Variants in ST14 observed in about 807,000 individuals in gnomAD.
The protein encoded by ST14 is suppressor of tumorigenicity 14 protein.
A neutral mutation model predicts 96.5 loss-of-function variants in ST14; 40 were observed. The observed-to-expected ratio is 0.41, with a 90% CI of 0.32 to 0.54. The LOEUF is 0.54. ST14 is among the 20% of genes least tolerant of loss of function. The pLI is 0.17. For synonymous variants in ST14, 506 were observed against 492.1 expected (o/e 1.03, Z -0.37); for missense variants, 1,066 against 1,188.9 (o/e 0.90, Z 1.52).
At chr11:130,200,271 T>A in intron 16 of ST14, 134 bp downstream of exon 16, 1 of 1,009,120 alleles carries the variant, frequency 9.9e-7, no homozygotes, top group Non-Finnish European at 1.5e-6. Context: ...TGAGTTGCTC[T>A]AAAGAAATAC....
At chr11:130,183,361 A>G (rs1309256790) in intron 1 of ST14, among the ~76,000 whole-genome samples, 1 of 152,246 alleles carries the variant, frequency 6.6e-6, no homozygotes, top group Non-Finnish European at 1.5e-5. Context: ...AGAGGCCACC[A>G]GATGTCTAAA....
At chr11:130,205,781 C>T (rs1305454819) in intron 16 of ST14, among the ~76,000 whole-genome samples, 8 of 146,764 alleles carry the variant, frequency 5.5e-5, no homozygotes, top group African/African-American at 2.0e-4. Flanking sequence ...TCACTGCAAC[C>T]TCCACCTCCC....
rs535027902 is a variant in ST14, at chr11:130,174,957, A to C, written c.82-13157A>C. Among the ~76,000 whole-genome samples the C allele has an allele frequency of 3.3e-5, 5 of 152,306 alleles. No homozygotes were observed. The South Asian group carries it at 1.0e-3, about 32-fold the overall frequency. On this transcript the variant is annotated intron_variant, in intron 1 of 18. Coordinates refer to ENST00000278742, the MANE Select transcript of ST14 (RefSeq NM_021978.4). ...TGGTATGTTTTTCAGGTTTTGCCAT[A>C]AATGTTACCTTATGGGTACCTGATA...
At position 130,189,720 on chromosome 11, in the gene ST14, G is replaced by T. The variant is rs905841868; in HGVS notation, c.441-19G>T. 2 of 1,608,730 alleles carry T rather than the reference G, an allele frequency of 1.2e-6. No individual in the cohort carries two copies. Among genetic ancestry groups the T allele is most frequent in the East Asian group, 2.2e-5 (1 of 44,870 alleles). The stretch of plus-strand genomic sequence containing the variant: ...AATGGGGCCCAGAGCTCCGCCTCAG[G>T]CTCCCGCTCTCTCCCCAGCGAGGGC... On this transcript the variant is annotated intron_variant, in intron 4 of 18. Coordinates refer to ENST00000278742, the MANE Select transcript of ST14 (RefSeq NM_021978.4).
At chr11:130,161,820 C>T (rs920816146) in intron 1 of ST14, among the ~76,000 whole-genome samples, 14 of 152,330 alleles carry the variant, frequency 9.2e-5, no homozygotes, top group African/African-American at 3.1e-4. Context: ...GGAAGGCTCT[C>T]AGAGACCAGT....
In ST14 at chr11:130,209,687, G is replaced by C. The variant is rs1953530723; in HGVS notation, c.2432G>C (p.Ser811Thr). The change falls in exon 19 of 19, where the codon AGC becomes ACC. Residue 811 changes from serine (S) to threonine (T), a missense_variant. Ser to Thr is a moderately conservative substitution (Grantham distance 58). Coordinates refer to ENST00000278742, the MANE Select transcript of ST14 (RefSeq NM_021978.4). ...CQGDSGGPLS[S>T]VEADGRIFQA... The stretch of plus-strand genomic sequence containing the variant: ...GGTGATTCCGGGGGACCCCTGTCCA[G>C]CGTGGAGGCGGATGGGCGGATCTTC... The C allele has an allele frequency of 6.2e-7, 1 of 1,613,386 alleles. No individual in the cohort carries two copies. The highest frequency in any genetic ancestry group is 8.5e-7 in the Non-Finnish European group (1 of 1,179,964).
chr11:130,184,035 G>A (rs1380996147), intron 1 of ST14, among the ~76,000 whole-genome samples: 1 of 152,238 alleles, frequency 6.6e-6, no homozygotes, highest in Non-Finnish European at 1.5e-5. Flanking sequence ...AGATGGAAGA[G>A]TGCATACTGC....
intron 1 of ST14, among the ~76,000 whole-genome samples, chr11:130,168,350 G>T (rs1161916706): frequency 1.3e-5 from 2 of 152,188 alleles, no homozygotes; most frequent in Admixed American, 6.5e-5. Flanking sequence ...GATGGCCAGG[G>T]TTTAGAAAAC....
intron 16 of ST14, among the ~76,000 whole-genome samples, chr11:130,204,885 C>G (rs540823005): frequency 6.6e-6 from 1 of 151,948 alleles, no homozygotes; most frequent in African/African-American, 2.4e-5. Flanking sequence ...GGTGGGCACG[C>G]GAGTGATGTG....
intron 7 of ST14, 58 bp downstream of exon 7, chr11:130,190,752 G>T: frequency 6.6e-7 from 1 of 1,506,970 alleles, no homozygotes; most frequent in Non-Finnish European, 8.9e-7. Context: ...CCTGTAGGGG[G>T]CCAGCTTCTT....
chr11:130,162,273 C>T (rs1380035279), intron 1 of ST14, among the ~76,000 whole-genome samples: 2 of 152,146 alleles, frequency 1.3e-5, no homozygotes, highest in Non-Finnish European at 2.9e-5. Context: ...TCCTGATGCA[C>T]GTTACTGCAT....
chr11:130,170,767 C>T (rs1286947737), intron 1 of ST14, among the ~76,000 whole-genome samples: 1 of 152,080 alleles, frequency 6.6e-6, no homozygotes, highest in African/African-American at 2.4e-5. Context: ...GGAGTGACGA[C>T]CCATATACAG....
intron 1 of ST14, among the ~76,000 whole-genome samples, chr11:130,175,115 T>C (rs73046968): frequency 1.7e-3 from 259 of 152,314 alleles, no homozygotes; most frequent in Non-Finnish European, 2.7e-3. Context: ...TCAAGCGGAA[T>C]GGCAAATTCA....
chr11:130,191,641 G>A (rs541284962), intron 7 of ST14, among the ~76,000 whole-genome samples: 2 of 145,346 alleles, frequency 1.4e-5, no homozygotes, highest in South Asian at 2.1e-4. Context: ...AGTGAGCCGA[G>A]ATCGTACCAC....
In ST14 at chr11:130,197,798, G is replaced by A. The variant is rs1428191160; in HGVS notation, c.1355-43G>A. On this transcript the variant is annotated intron_variant, in intron 11 of 18. Coordinates refer to ENST00000278742, the MANE Select transcript of ST14 (RefSeq NM_021978.4). Reference sequence around the variant, plus strand: ...AGGGAGCCGGGAGCCAGCGGAGGGAGGTGGGTGGGTGCTGGGGGCCTCAGG... The same window carrying A: ...AGGGAGCCGGGAGCCAGCGGAGGGAAGTGGGTGGGTGCTGGGGGCCTCAGG... The A allele has an allele frequency of 5.4e-6, 8 of 1,490,748 alleles. No individual in the cohort carries two copies. The Admixed American group carries it at 5.9e-5, about 11-fold the overall frequency. The allele number at this position is 1,490,748 out of a possible 1,614,324, so 92.3% of individuals were successfully genotyped here.
chr11:130,161,199 A>G (rs1459827099), intron 1 of ST14, among the ~76,000 whole-genome samples: 2 of 151,942 alleles, frequency 1.3e-5, no homozygotes, highest in South Asian at 4.1e-4. Flanking sequence ...GGGCTCTGCT[A>G]TTTTCTCCAC....
intron 16 of ST14, among the ~76,000 whole-genome samples, chr11:130,204,294 C>T (rs1422931849): frequency 3.3e-5 from 5 of 152,172 alleles, no homozygotes; most frequent in East Asian, 1.9e-4. Context: ...GGTCGATTAA[C>T]AGTGAACGCA....
chr11:130,197,756 G>T lies in ST14; in HGVS notation c.1355-85G>T, dbSNP rs1347081656. 6.0e-6 allele frequency: 7 copies of T among 1,168,188 alleles called. 1 individual carries two copies. The South Asian group carries it at 1.0e-4, about 17-fold the overall frequency. 72.4% of individuals were successfully genotyped at this position (1,168,188 alleles called of 1,614,324 possible). A position where few individuals can be genotyped will look rare whatever the true frequency, so the allele number is the denominator to read the frequency against. Reference sequence around the variant, plus strand: ...CCCTGCTCCTGTGTGTTTGTGGCTGGGAGGTTGGCCCGAGGGAGGGAGCCG... The same window carrying T: ...CCCTGCTCCTGTGTGTTTGTGGCTGTGAGGTTGGCCCGAGGGAGGGAGCCG... On this transcript the variant is annotated intron_variant, in intron 11 of 18. Coordinates refer to ENST00000278742, the MANE Select transcript of ST14 (RefSeq NM_021978.4).
chr11:130,174,591 A>G (rs1953119888), intron 1 of ST14, among the ~76,000 whole-genome samples: 1 of 152,180 alleles, frequency 6.6e-6, no homozygotes, highest in African/African-American at 2.4e-5. Context: ...CCATCTTAGA[A>G]AAAGACTTCA....
Sources: gnomAD v4.1 joint callset for allele counts (sites outside exome capture counted in the v4.1 genomes callset) on GRCh38, gnomAD v4.1.1 for gene constraint, MANE v1.5 for transcripts, NCBI Gene and HGNC (gene_info 2026-07-23, HGNC 2026-07-21) for gene names.